CDC14B: variants seen among roughly 807,000 people sequenced by gnomAD.
The protein encoded by CDC14B is dual specificity protein phosphatase CDC14B.
Under a neutral mutation model 64.2 loss-of-function variants are expected in CDC14B, and 22 were observed. The observed-to-expected ratio is 0.34, with a 90% CI of 0.24 to 0.49. CDC14B has a LOEUF of 0.49. Ranked by LOEUF, CDC14B falls within the 20% of genes least tolerant of loss-of-function variation. CDC14B has a pLI of 0.99. For synonymous variants in CDC14B, 191 were observed against 215.8 expected, an observed-to-expected ratio of 0.89 and a Z score of 1.01; for missense variants, 498 against 629.9, an observed-to-expected ratio of 0.79 and a Z score of 2.24.
chr9:96,533,893 G>A (rs1184718047), intron 9 of CDC14B, 34 bp downstream of exon 9: 7 of 1,339,724 alleles, frequency 5.2e-6, no homozygotes, highest in Non-Finnish European at 7.3e-6. Context: ...TACTCATACT[G>A]TATACTATTC....
At position 96,503,608 on chromosome 9, in the gene CDC14B, G is replaced by T; in HGVS notation, c.*145C>A. 1.5e-6 allele frequency: 1 copy of T among 679,802 alleles called. No individual in the cohort carries two copies. The highest frequency in any genetic ancestry group is 2.6e-6 in the Non-Finnish European group (1 of 391,254). 42.1% of individuals were successfully genotyped at this position (679,802 alleles called of 1,614,324 possible). ...CTCAAAGTTCATTATTCAAACTCCA[G>T]TGGACATTTTCTCCATTGATCAACT... On this transcript the variant is annotated 3_prime_UTR_variant, in exon 14 of 14. Transcript: ENST00000375241.
intron 4 of CDC14B, among the ~76,000 whole-genome samples, chr9:96,558,181 G>A (rs1317319936): frequency 6.6e-6 from 1 of 152,200 alleles, no homozygotes; most frequent in African/African-American, 2.4e-5. Flanking sequence ...GTGAAGAGAG[G>A]TTGGTTCTTT....
intron 1 of CDC14B, among the ~76,000 whole-genome samples, chr9:96,589,237 GC>G (rs1564375741): frequency 6.6e-6 from 1 of 152,080 alleles, no homozygotes; most frequent in Non-Finnish European, 1.5e-5. Context: ...TACTTGGAAG[GC>G]TGAGGCAGGA....
chr9:96,599,539 T>G (rs1401397252), intron 1 of CDC14B, among the ~76,000 whole-genome samples: 1 of 152,190 alleles, frequency 6.6e-6, no homozygotes, highest in Non-Finnish European at 1.5e-5. Flanking sequence ...TTTAATGCAA[T>G]GTAGTGTCCT....
intron 9 of CDC14B, among the ~76,000 whole-genome samples, 185 bp downstream of exon 9, chr9:96,533,742 G>T (rs1425018280): frequency 1.3e-5 from 2 of 152,212 alleles, no homozygotes; most frequent in Non-Finnish European, 2.9e-5. Context: ...TCAATGTGAT[G>T]TATTTGTAGA....
chr9:96,582,938 T>C (rs1014218042), intron 1 of CDC14B, among the ~76,000 whole-genome samples: 8 of 152,120 alleles, frequency 5.3e-5, no homozygotes, highest in African/African-American at 1.9e-4. Context: ...ATAAAACATA[T>C]ATGATTGGTT....
At chr9:96,618,663 C>T (rs575333755) in intron 1 of CDC14B, 1 of 518,926 alleles carries the variant, frequency 1.9e-6, no homozygotes, top group South Asian at 1.4e-5. Flanking sequence ...GCGCGGGAGG[C>T]CCAGGAGAGG....
intron 9 of CDC14B, among the ~76,000 whole-genome samples, chr9:96,533,441 T>C (rs1159289518): frequency 6.6e-6 from 1 of 152,270 alleles, no homozygotes; most frequent in Non-Finnish European, 1.5e-5. Context: ...TGAGCTTTTT[T>C]TCCAATATTG....
At chr9:96,599,107 T>C (rs1346397347) in intron 1 of CDC14B, among the ~76,000 whole-genome samples, 2 of 152,114 alleles carry the variant, frequency 1.3e-5, no homozygotes, top group Non-Finnish European at 2.9e-5. Flanking sequence ...GAGCCGGGTG[T>C]GGTGGCTCAC....
rs560356973 is a variant in CDC14B at position 96,586,068 on chromosome 9, G to A, written c.161-20585C>T. Among the ~76,000 whole-genome samples, 115 of 152,018 alleles carry A rather than the reference G, an allele frequency of 7.6e-4. 6 individuals carry two copies. The South Asian group carries it at 0.019, about 25-fold the overall frequency. ...GATGCTTGGGGTAGTGGGATGACAG[G>A]AAAGACCCAGGGAACTTTAGCGTAG... On this transcript the variant is annotated intron_variant, in intron 1 of 13. Transcript: ENST00000375241.
chr9:96,586,805 G>T (rs748607465), intron 1 of CDC14B, among the ~76,000 whole-genome samples: 1 of 152,052 alleles, frequency 6.6e-6, no homozygotes, highest in Non-Finnish European at 1.5e-5. Flanking sequence ...GCCTAAGTTA[G>T]CTTTAATAGA....
chr9:96,595,970 TATATAAA>T (rs1233275731), intron 1 of CDC14B, among the ~76,000 whole-genome samples: 1 of 152,226 alleles, frequency 6.6e-6, no homozygotes, highest in Non-Finnish European at 1.5e-5. Flanking sequence ...ATTTGAATAC[TATATAAA>T]ATATAACTTT....
downstream of CDC14B, chr9:96,496,393 TAC>T: frequency 2.1e-6 from 1 of 481,866 alleles, no homozygotes; most frequent in East Asian, 6.1e-5. Flanking sequence ...GCGCTGTACT[TAC>T]CACCACCACC....
At chr9:96,602,021 T>A (rs1024420573) in intron 1 of CDC14B, among the ~76,000 whole-genome samples, 7 of 152,100 alleles carry the variant, frequency 4.6e-5, no homozygotes, top group African/African-American at 1.2e-4. Context: ...ATCGCGCCAC[T>A]GCACTCCAGC....
intron 6 of CDC14B, among the ~76,000 whole-genome samples, chr9:96,539,412 T>C (rs1194271117): frequency 6.6e-6 from 1 of 152,312 alleles, no homozygotes; most frequent in East Asian, 1.9e-4. Flanking sequence ...TCACCAGTCA[T>C]CCTATCCATG....
At chr9:96,574,222 G>T (rs1056410582) in intron 1 of CDC14B, among the ~76,000 whole-genome samples, 6 of 151,720 alleles carry the variant, frequency 4.0e-5, no homozygotes, top group South Asian at 4.2e-4. Flanking sequence ...GGCAGTATTG[G>T]CACAGTGTAC....
chr9:96,571,179 A>ATTT (rs60431469), intron 1 of CDC14B, among the ~76,000 whole-genome samples: 12 of 146,242 alleles, frequency 8.2e-5, no homozygotes, highest in Non-Finnish European at 1.2e-4. Flanking sequence ...CGAAAAAAAA[A>ATTT]TTTTTTTTTT....
chr9:96,565,643 T>C, intron 1 of CDC14B, 160 bp from the exon 2 acceptor site: 1 of 665,306 alleles, frequency 1.5e-6, no homozygotes, highest in Non-Finnish European at 2.7e-6. Flanking sequence ...TTCTGGCTAT[T>C]TGGGTGGGAA....
At chr9:96,618,488 T>G in intron 1 of CDC14B, 1 of 533,408 alleles carries the variant, frequency 1.9e-6, no homozygotes, top group Non-Finnish European at 3.8e-6. Flanking sequence ...AAGGGCTGCT[T>G]GGCTACCTGC....
Sources: allele counts gnomAD v4.1 joint callset (sites outside exome capture counted in the v4.1 genomes callset), GRCh38; gene constraint gnomAD v4.1.1; transcripts MANE v1.5; gene names NCBI Gene and HGNC (gene_info 2026-07-23, HGNC 2026-07-21).